Variants in KCNN1 observed in about 807,000 individuals in gnomAD.
The protein encoded by KCNN1 is small conductance calcium-activated potassium channel protein 1.
Under a neutral mutation model 44.7 loss-of-function variants are expected in KCNN1, and 20 were observed. The ratio of observed to expected loss-of-function variants is 0.45; its 90% confidence interval spans 0.32 to 0.65. The LOEUF is 0.65. KCNN1 is among the 30% of genes least tolerant of loss of function. The probability of loss-of-function intolerance (pLI) is 0.05; values close to 1 mark genes in which losing one functional copy is unlikely to be tolerated. For synonymous variants in KCNN1, 324 were observed against 341.7 expected (o/e 0.95, Z 0.57); for missense variants, 632 against 785.3 (o/e 0.80, Z 2.33).
intron 1 of KCNN1, among the ~76,000 whole-genome samples, chr19:17,971,296 G>T (rs1019423625): frequency 6.6e-6 from 1 of 151,992 alleles, no homozygotes; most frequent in African/African-American, 2.4e-5. Flanking sequence ...CTTCTCCCAG[G>T]CCTGGCACAT....
At chr19:17,960,793 G>C (rs1291423039) in intron 2 of KCNN1, among the ~76,000 whole-genome samples, 1 of 152,066 alleles carries the variant, frequency 6.6e-6, no homozygotes, top group African/African-American at 2.4e-5. Context: ...GGCTCCTGGT[G>C]TTCTTTGGCT....
chr19:17,996,146 A>G (rs1413114664), intron 9 of KCNN1, among the ~76,000 whole-genome samples: 3 of 144,766 alleles, frequency 2.1e-5, no homozygotes, highest in Admixed American at 7.2e-5. Context: ...CCTGGGCAAC[A>G]TGGCAAAACT....
At chr19:17,964,041 T>C (rs1229072682), upstream of KCNN1, among the ~76,000 whole-genome samples, 1 of 152,120 alleles carries the variant, frequency 6.6e-6, no homozygotes, top group Non-Finnish European at 1.5e-5. This position sits in a 1 kb window ranked among gnomAD's most constrained non-coding sequence, Gnocchi z 4.3. Context: ...AGGGGCACGG[T>C]TTGTATCTCT....
chr19:17,981,645 G>GGGCTGGGCAGGGAGCGCGGCGC lies in KCNN1; in HGVS notation c.499-62_499-41dup, dbSNP rs1444971251. 6.9e-6 allele frequency: 10 copies of GGGCTGGGCAGGGAGCGCGGCGC among 1,452,180 alleles called. No individual in the cohort carries two copies. The African/African-American group carries it at 1.3e-4, about 19-fold the overall frequency. The allele number at this position is 1,452,180 out of a possible 1,614,324, so 90.0% of individuals were successfully genotyped here. The stretch of plus-strand genomic sequence containing the variant: ...GACGTCACTCTCTGGGGGCGCGGTG[G>GGGCTGGGCAGGGAGCGCGGCGC]GGCTGGGCAGGGAGCGCGGCGCGTG... On this transcript the variant is annotated intron_variant, in intron 3 of 9. Coordinates refer to ENST00000684775, the MANE Select transcript of KCNN1 (RefSeq NM_001386974.1).
chr19:17,956,245 T>C (rs1186411191), intron 2 of KCNN1, among the ~76,000 whole-genome samples: 2 of 152,118 alleles, frequency 1.3e-5, no homozygotes, highest in Non-Finnish European at 2.9e-5. Flanking sequence ...GCCTCCTTGG[T>C]GAACACTGAC....
rs1416979011 is a variant in KCNN1, at chr19:17,985,282, C to G, written c.918-30C>G. ...GGCAAAGGGGATGGTATAGACTGAG[C>G]CCTCCCTCTTCCCACTCTGGCTCCC... is the stretch of plus-strand genomic sequence containing the variant. On this transcript the variant is annotated intron_variant, in intron 4 of 9. Transcript: ENST00000684775. The G allele has an allele frequency of 1.2e-5, 19 of 1,561,344 alleles. No individual in the cohort carries two copies. The East Asian group carries it at 4.3e-4, about 36-fold the overall frequency.
chr19:17,976,665 G>A (rs1204398655), intron 3 of KCNN1, among the ~76,000 whole-genome samples: 16 of 151,664 alleles, frequency 1.1e-4, no homozygotes, highest in Non-Finnish European at 2.1e-4. Context: ...TGATCTGCCC[G>A]CCTCGGCCTC....
At position 17,998,372 on chromosome 19, in the gene KCNN1, G is replaced by A. The variant is rs1238218619; in HGVS notation, c.1598G>A (p.Arg533Gln). 19 of 1,497,556 alleles carry A rather than the reference G, an allele frequency of 1.3e-5. No individual in the cohort carries two copies. In the East Asian group the frequency reaches 2.0e-4, roughly 15 times the overall value. 92.8% of individuals were successfully genotyped at this position (1,497,556 alleles called of 1,614,324 possible). ...QDQAARSSPC[R>Q]WTPVAPSDCG ...CAGGCAGCCCGGAGCTCCCCCTGCC[G>A]GTGGACGCCCGTGGCCCCCTCGGAC... The change falls in exon 10 of 10, where the codon CGG becomes CAG. Residue 533 changes from arginine to glutamine, a missense_variant. Physicochemically the swap from Arg to Gln is conservative, Grantham distance 43. Transcript: ENST00000684775. This position sits in a 1 kb window ranked among gnomAD's most constrained non-coding sequence, Gnocchi z 5.4.
Position 17,956,829 on chromosome 19 carries a change from G to A in KCNN1, c.-82+2148G>A, listed in dbSNP as rs112800983. On this transcript the variant is annotated intron_variant, in intron 2 of 10. Transcript: ENST00000222249. ...AGCACTTTGGGAGGCCGAGGTGGGC[G>A]GATAATGAGGTCTGGGGATAGAGAC... Among the ~76,000 whole-genome samples, 785 of 151,958 alleles carry A rather than the reference G, an allele frequency of 5.2e-3. 7 individuals carry two copies. Among genetic ancestry groups the A allele is most frequent in the African/African-American group, 0.017 (717 of 41,432 alleles).
chr19:17,960,259 C>G (rs1401698138), intron 2 of KCNN1, among the ~76,000 whole-genome samples: 1 of 152,188 alleles, frequency 6.6e-6, no homozygotes, highest in Non-Finnish European at 1.5e-5. Context: ...CCTAGAGTTA[C>G]AAGTCCCTTG....
Position 17,998,570 on chromosome 19 carries a change from C to G in KCNN1, c.*164C>G. 1 of 721,816 alleles carries G rather than the reference C, an allele frequency of 1.4e-6. No individual in the cohort carries two copies. Among genetic ancestry groups the G allele is most frequent in the Non-Finnish European group, 2.1e-6 (1 of 471,818 alleles). 44.7% of individuals were successfully genotyped at this position (721,816 alleles called of 1,614,324 possible). A position where few individuals can be genotyped will look rare whatever the true frequency, so the allele number is the denominator to read the frequency against. ...CAGACTGCCCAGGCAGAGGGCAGGGCTGGACCATGGGTGAGGGCAGGGGAG... is the reference window on the plus strand; with the variant it reads ...CAGACTGCCCAGGCAGAGGGCAGGGGTGGACCATGGGTGAGGGCAGGGGAG... On this transcript the variant is annotated 3_prime_UTR_variant, in exon 10 of 10. Transcript: ENST00000684775. This position sits in a 1 kb window ranked among gnomAD's most constrained non-coding sequence, Gnocchi z 5.4.
rs1599379821 is a variant in KCNN1, at chr19:17,993,149, A to G, written c.1307+87A>G. ...CAGGGGGTACACCCGGGGCATGCCA[A>G]CCCCAGCCTCAGAGGCGGGCAGGGT... On this transcript the variant is annotated intron_variant, in intron 8 of 9. Coordinates refer to ENST00000684775, the MANE Select transcript of KCNN1 (RefSeq NM_001386974.1). This position sits in a 1 kb window ranked among gnomAD's most constrained non-coding sequence, Gnocchi z 4.5. The G allele has an allele frequency of 6.6e-7, 1 of 1,517,832 alleles. No individual in the cohort carries two copies. Among genetic ancestry groups the G allele is most frequent in the African/African-American group, 1.4e-5 (1 of 72,906 alleles). The allele number at this position is 1,517,832 out of a possible 1,614,324, so 94.0% of individuals were successfully genotyped here.
intron 6 of KCNN1, among the ~76,000 whole-genome samples, chr19:17,989,104 C>T (rs950509867): frequency 1.6e-4 from 25 of 152,258 alleles, no homozygotes; most frequent in African/African-American, 5.5e-4. Flanking sequence ...TGCTCTGTAC[C>T]TCAGCTTCCC....
At chr19:17,965,046 C>T (rs2031765320), upstream of KCNN1, among the ~76,000 whole-genome samples, 1 of 151,944 alleles carries the variant, frequency 6.6e-6, no homozygotes, top group African/African-American at 2.4e-5. Flanking sequence ...GAGTGGATCG[C>T]TTGAGGTTAG....
chr19:17,960,589 C>T (rs1419469635), intron 2 of KCNN1, among the ~76,000 whole-genome samples: 2 of 151,980 alleles, frequency 1.3e-5, no homozygotes, highest in African/African-American at 2.4e-5. Flanking sequence ...AGGATCTCAC[C>T]ACTGCACTCC....
In KCNN1 at chr19:17,998,226, C is replaced by G. The variant is rs1406603000; in HGVS notation, c.1452C>G (p.Thr484=). ...AGGAGCTGGAGGCCCGCCTGGCCAC[C>G]CTGGAAAGCCGCTTGGATGCGCTGG... The part of the protein sequence containing the change: ...QHEELEARLA[T]LESRLDALGA... Residue 484 remains threonine (T), a synonymous_variant, in exon 10 of 10, where the codon ACC becomes ACG. Transcript: ENST00000684775. This position sits in a 1 kb window ranked among gnomAD's most constrained non-coding sequence, Gnocchi z 5.4. 1 of 1,581,446 alleles carries G rather than the reference C, an allele frequency of 6.3e-7. No homozygotes were observed. Among genetic ancestry groups the G allele is most frequent in the Non-Finnish European group, 8.6e-7 (1 of 1,165,532 alleles).
chr19:17,959,345 G>A (rs1344117398), intron 2 of KCNN1, among the ~76,000 whole-genome samples: 2 of 151,784 alleles, frequency 1.3e-5, no homozygotes, highest in African/African-American at 2.4e-5. Flanking sequence ...TGCAACCTCC[G>A]CCTCCTAGGT....
In KCNN1 at chr19:17,998,354, C is replaced by A; in HGVS notation, c.1580C>A (p.Ala527Asp). Residue 527 changes from alanine to aspartate, a missense_variant, in exon 10 of 10, where the codon GCC (alanine) becomes GAC (aspartate). By Grantham distance (126) the Ala-to-Asp change is moderately radical (BLOSUM62 -2). Transcript: ENST00000684775. The surrounding 1 kb of genome is among the most constrained non-coding windows in gnomAD (Gnocchi z 5.4). Reference protein sequence around the residue: ...RPGPGPQDQAARSSPCRWTPV... With the variant: ...RPGPGPQDQADRSSPCRWTPV... ...GGCCCCGGCCCCCAAGACCAGGCAG[C>A]CCGGAGCTCCCCCTGCCGGTGGACG... 1 of 1,512,326 alleles carries A rather than the reference C, an allele frequency of 6.6e-7. No individual in the cohort carries two copies. 93.7% of individuals were successfully genotyped at this position (1,512,326 alleles called of 1,614,324 possible).
intron 1 of KCNN1, among the ~76,000 whole-genome samples, chr19:17,973,403 C>T (rs2032090439): frequency 6.6e-6 from 1 of 152,228 alleles, no homozygotes; most frequent in South Asian, 2.1e-4. Flanking sequence ...GCCTCAGCCT[C>T]CCACGCAGCT....
Sources: allele counts gnomAD v4.1 joint callset (sites outside exome capture counted in the v4.1 genomes callset), GRCh38; gene constraint gnomAD v4.1.1; non-coding constraint Gnocchi (gnomAD v3.1); transcripts MANE v1.5; gene names NCBI Gene and HGNC (gene_info 2026-07-23, HGNC 2026-07-21).